CLEC17A: variants seen among roughly 807,000 people sequenced by gnomAD.
CLEC17A encodes the protein C-type lectin domain family 17, member A.
CLEC17A carries 37 observed loss-of-function variants against 61.3 expected under a neutral mutation model. That is an observed-to-expected ratio of 0.60 (90% CI 0.46 to 0.79). The LOEUF is 0.79. Among genes scored for constraint, CLEC17A ranks in the 30% least tolerant of loss-of-function variants. The probability of loss-of-function intolerance (pLI) is 0.00; values close to 1 mark genes in which losing one functional copy is unlikely to be tolerated. For missense variants in CLEC17A, 418 were observed against 464.7 expected, an observed-to-expected ratio of 0.90 and a Z score of 0.92; for synonymous variants, 168 against 164.9, an observed-to-expected ratio of 1.02 and a Z score of -0.14.
At chr19:14,589,745 C>T (rs920652557) in intron 3 of CLEC17A, among the ~76,000 whole-genome samples, 4 of 151,932 alleles carry the variant, frequency 2.6e-5, no homozygotes, top group African/African-American at 9.7e-5. Context: ...GTAGTCTCTT[C>T]CCACAACGAC....
At chr19:14,593,313 A>G (rs2074464117) in intron 4 of CLEC17A, among the ~76,000 whole-genome samples, 1 of 138,732 alleles carries the variant, frequency 7.2e-6, no homozygotes, top group South Asian at 2.4e-4. Context: ...GGCAATATAT[A>G]GCAAGACGCC....
At chr19:14,605,233 G>A (rs2074828834) in intron 12 of CLEC17A, among the ~76,000 whole-genome samples, 1 of 152,040 alleles carries the variant, frequency 6.6e-6, no homozygotes, top group Non-Finnish European at 1.5e-5. Context: ...GAGTAGCTGG[G>A]AATACAGGCA....
intron 12 of CLEC17A, among the ~76,000 whole-genome samples, chr19:14,606,026 G>A (rs1294243825): frequency 6.6e-6 from 1 of 152,050 alleles, no homozygotes; most frequent in Non-Finnish European, 1.5e-5. Context: ...ATGAGGCAGC[G>A]TGTCAAAAGC....
intron 13 of CLEC17A, among the ~76,000 whole-genome samples, chr19:14,609,802 C>T (rs1171006447): frequency 6.6e-6 from 1 of 151,494 alleles, no homozygotes; most frequent in Non-Finnish European, 1.5e-5. Flanking sequence ...CACGCCACTG[C>T]ACTCCAGCCT....
chr19:14,596,832 G>T (rs781600020), intron 8 of CLEC17A, 44 bp from the exon 9 acceptor site: 3 of 1,596,412 alleles, frequency 1.9e-6, no homozygotes, highest in African/African-American at 1.3e-5. Flanking sequence ...CTTACTCTCT[G>T]AAGCCCCAGT....
chr19:14,601,984 G>A (rs1307939524), intron 12 of CLEC17A, among the ~76,000 whole-genome samples: 1 of 148,352 alleles, frequency 6.7e-6, no homozygotes, highest in African/African-American at 2.6e-5. Flanking sequence ...AGTAGAGACG[G>A]GGTTTCACTG....
intron 2 of CLEC17A, among the ~76,000 whole-genome samples, chr19:14,585,566 A>G (rs1324775006): frequency 1.3e-5 from 2 of 151,366 alleles, no homozygotes; most frequent in Non-Finnish European, 2.9e-5. Context: ...AGGCTAGATC[A>G]TAGGAGCATG....
At position 14,610,161 on chromosome 19, in the gene CLEC17A, A is replaced by C. The variant is rs1331138643; in HGVS notation, c.1102A>C (p.Thr368Pro). ...GAATGATCTCTCTTGCTACAAAACT[A>C]CGTATTGGATTTGTGAGCGGAAATG... ...TWNDLSCYKT[T>P]YWICERKCSC Residue 368 changes from threonine (T) to proline (P), a missense_variant, in exon 14 of 14, where the codon ACG becomes CCG. Thr to Pro is a conservative substitution (Grantham distance 38). Transcript: ENST00000417570. The C allele has an allele frequency of 1.3e-6, 2 of 1,590,358 alleles. No homozygotes were observed. The highest frequency in any genetic ancestry group is 2.7e-5 in the African/African-American group (2 of 74,574).
chr19:14,601,645 G>T (rs897063664), intron 12 of CLEC17A, among the ~76,000 whole-genome samples: 2 of 152,030 alleles, frequency 1.3e-5, no homozygotes, highest in Non-Finnish European at 2.9e-5. Context: ...CAGGGACAAG[G>T]TCTCACTCTG....
chr19:14,599,044 C>T (rs1262084411), intron 10 of CLEC17A, among the ~76,000 whole-genome samples: 1 of 150,566 alleles, frequency 6.6e-6, no homozygotes. Flanking sequence ...TAGGCTTTGC[C>T]GCCTCACCAC....
intron 12 of CLEC17A, among the ~76,000 whole-genome samples, chr19:14,603,976 C>T (rs371939126): frequency 3.9e-4 from 59 of 152,290 alleles, no homozygotes; most frequent in East Asian, 3.7e-3. Flanking sequence ...GACTTTGGGC[C>T]ATCTAGGCTG....
At chr19:14,599,844 G>A (rs2074659719) in intron 11 of CLEC17A, 32 bp downstream of exon 11, 1 of 1,577,120 alleles carries the variant, frequency 6.3e-7, no homozygotes, top group Non-Finnish European at 8.7e-7. Context: ...GCCCAGGGAT[G>A]GGGGGCATGG....
Position 14,583,395 on chromosome 19 carries a change from A to C in CLEC17A, c.82A>C (p.Asn28His), listed in dbSNP as rs1008366973. The C allele has an allele frequency of 6.2e-7, 1 of 1,612,368 alleles. No individual in the cohort carries two copies. Among genetic ancestry groups the C allele is most frequent in the African/African-American group, 1.3e-5 (1 of 74,800 alleles). Reference sequence around the variant, plus strand: ...GGAGGAGGAGGATGATGACTATGAGAACTCAACACCTCCCTACAAGGACCT... The same window carrying C: ...GGAGGAGGAGGATGATGACTATGAGCACTCAACACCTCCCTACAAGGACCT... Reference protein sequence around the residue: ...EEEEEDDDYENSTPPYKDLPP... With the variant: ...EEEEEDDDYEHSTPPYKDLPP... The change falls in exon 2 of 14, where the codon AAC becomes CAC. Residue 28 changes from asparagine to histidine, a missense_variant. Asn to His is a moderately conservative substitution (Grantham distance 68). Transcript: ENST00000417570.
chr19:14,588,910 G>C (rs544659144), intron 3 of CLEC17A, among the ~76,000 whole-genome samples: 11 of 151,996 alleles, frequency 7.2e-5, no homozygotes, highest in Admixed American at 6.5e-4. Context: ...GAGGTAGGAG[G>C]TGACCTGTGC....
chr19:14,595,692 GTGCTGATGGTGATGGTGGAGATACTGA>G (rs1285265761), intron 8 of CLEC17A, among the ~76,000 whole-genome samples: 2 of 142,934 alleles, frequency 1.4e-5, no homozygotes, highest in East Asian at 4.1e-4. Context: ...GCGTTGTTGT[GTGCTGATGGTGATGGTGGAGATACTGA>G]TGATGGTGGT....
chr19:14,599,848 G>A (rs758129793), intron 11 of CLEC17A, 36 bp downstream of exon 11: 3 of 1,574,040 alleles, frequency 1.9e-6, no homozygotes, highest in Non-Finnish European at 2.6e-6. Flanking sequence ...AGGGATGGGG[G>A]GCATGGCAGA....
intron 4 of CLEC17A, 99 bp from the exon 5 acceptor site, chr19:14,594,418 C>T: frequency 6.9e-7 from 1 of 1,457,576 alleles, no homozygotes. Flanking sequence ...GTAACCTAAT[C>T]TCCAATCCTC....
chr19:14,594,926 C>T (rs1173358307), intron 7 of CLEC17A, 126 bp downstream of exon 7: 5 of 962,518 alleles, frequency 5.2e-6, no homozygotes, highest in Non-Finnish European at 7.9e-6. Flanking sequence ...GGCTGGAGTG[C>T]AGTGGTGCGA....
chr19:14,607,550 A>ATTATTTATTTAT (rs71166764), intron 13 of CLEC17A, among the ~76,000 whole-genome samples: 19 of 141,402 alleles, frequency 1.3e-4, no homozygotes, highest in African/African-American at 3.0e-4. Flanking sequence ...ATTTTATTTT[A>ATTATTTATTTAT]TTATTTATTT....
Sources: gnomAD v4.1 joint callset for allele counts (sites outside exome capture counted in the v4.1 genomes callset) on GRCh38, gnomAD v4.1.1 for gene constraint, MANE v1.5 for transcripts, NCBI Gene and HGNC (gene_info 2026-07-23, HGNC 2026-07-21) for gene names.